Variants in CHP1 observed in about 807,000 individuals in gnomAD.
CHP1 encodes calcineurin B homologous protein 1.
In CHP1, 11 loss-of-function variants were observed where a neutral mutation model predicts 27.4. The observed-to-expected ratio is 0.40, with a 90% CI of 0.25 to 0.67. The LOEUF (loss-of-function observed/expected upper bound fraction) is 0.67. Among genes scored for constraint, CHP1 ranks in the 30% least tolerant of loss-of-function variants. The pLI is 0.38. For missense variants in CHP1, 169 were observed against 251.3 expected (o/e 0.67, Z 2.22); for synonymous variants, 89 against 87.4 (o/e 1.02, Z -0.10).
At chr15:41,277,868 G>A (rs1285786008) in intron 5 of CHP1, among the ~76,000 whole-genome samples, 1 of 151,400 alleles carries the variant, frequency 6.6e-6, no homozygotes, top group Non-Finnish European at 1.5e-5. Context: ...GAGGTGAGAG[G>A]ATCACTTGAG....
intron 3 of CHP1, among the ~76,000 whole-genome samples, chr15:41,261,119 T>C (rs1567009058): frequency 6.6e-6 from 1 of 151,350 alleles, no homozygotes; most frequent in Non-Finnish European, 1.5e-5. Context: ...TTCCTTTTCC[T>C]TTCCTTTTCC....
At position 41,257,663 on chromosome 15, in the gene CHP1, G is replaced by A. The variant is rs529849892; in HGVS notation, c.221+673G>A. ...CAACCTCTGCCTCCCGGGTTCAAGC[G>A]ATTCTCCTGCCTCAGCCTCCGAGAT... is the stretch of plus-strand genomic sequence containing the variant. On this transcript the variant is annotated intron_variant, in intron 3 of 6. Coordinates refer to ENST00000334660, the MANE Select transcript of CHP1 (RefSeq NM_007236.5). Among the ~76,000 whole-genome samples, 22 of 151,878 alleles carry A rather than the reference G, an allele frequency of 1.4e-4. No individual in the cohort carries two copies. In the South Asian group the frequency reaches 4.6e-3, roughly 32 times the overall value.
At chr15:41,268,901 C>T (rs555341380) in intron 4 of CHP1, among the ~76,000 whole-genome samples, 166 of 146,938 alleles carry the variant, frequency 1.1e-3, no homozygotes, top group Middle Eastern at 3.8e-3. Context: ...CGGAGCTTGC[C>T]GTGAGCTGAG....
chr15:41,281,458 G>GT lies in CHP1; in HGVS notation c.*2070dup, dbSNP rs1197674884. 6.6e-4 allele frequency: 101 copies of GT among 152,774 alleles called. 1 individual carries two copies. The highest frequency in any genetic ancestry group is 2.3e-3 in the African/African-American group (95 of 41,584). 9.5% of individuals were successfully genotyped at this position (152,774 alleles called of 1,614,324 possible). A position where few individuals can be genotyped will look rare whatever the true frequency, so the allele number is the denominator to read the frequency against. On this transcript the variant is annotated 3_prime_UTR_variant, in exon 7 of 7. Transcript: ENST00000334660. The stretch of plus-strand genomic sequence containing the variant: ...TATCCTAATGTATGTCTCTATGAGT[G>GT]TATTTAGCCACACATCTGCCCTTGG...
chr15:41,257,020 C>T lies in CHP1; in HGVS notation c.221+30C>T, dbSNP rs758259431. The stretch of plus-strand genomic sequence containing the variant: ...GTCAGTACAGTTGTTGGACTTCCTT[C>T]CTGAGGCTATCACAACCTAAATTAT... On this transcript the variant is annotated intron_variant, in intron 3 of 6. Transcript: ENST00000334660. 1.5e-5 allele frequency: 23 copies of T among 1,550,234 alleles called. No individual in the cohort carries two copies. The East Asian group carries it at 2.7e-4, about 18-fold the overall frequency.
Position 41,280,299 on chromosome 15 carries a change from A to C in CHP1, c.*910A>C, listed in dbSNP as rs2047538970. 1 of 152,568 alleles carries C rather than the reference A, an allele frequency of 6.6e-6. No individual in the cohort carries two copies. Among genetic ancestry groups the C allele is most frequent in the African/African-American group, 2.4e-5 (1 of 41,402 alleles). 9.5% of individuals were successfully genotyped at this position (152,568 alleles called of 1,614,324 possible). On this transcript the variant is annotated 3_prime_UTR_variant, in exon 7 of 7. Coordinates refer to ENST00000334660, the MANE Select transcript of CHP1 (RefSeq NM_007236.5). ...TGCTTAGTTTGGGGACACCGTTACCACCAGAATGGCTGCTCTGACAATATG... is the reference window on the plus strand; with the variant it reads ...TGCTTAGTTTGGGGACACCGTTACCCCCAGAATGGCTGCTCTGACAATATG...
chr15:41,268,574 G>T (rs1371228853), intron 4 of CHP1, among the ~76,000 whole-genome samples: 1 of 151,628 alleles, frequency 6.6e-6, no homozygotes, highest in African/African-American at 2.4e-5. Context: ...CCCGGGAGGC[G>T]GAGGTTACAG....
In CHP1 at chr15:41,270,726, G is replaced by C. The variant is rs141927706; in HGVS notation, c.411+108G>C. On this transcript the variant is annotated intron_variant, in intron 5 of 6. Coordinates refer to ENST00000334660, the MANE Select transcript of CHP1 (RefSeq NM_007236.5). ...AGCATTTATTTAATACCTGCTATGT[G>C]CAGAGTCCTGTCCTGGTTATAAGAC... 1.7e-3 allele frequency: 1,470 copies of C among 845,474 alleles called. 18 individuals carry two copies. In the African/African-American group the frequency reaches 0.022, roughly 13 times the overall value. The allele number at this position is 845,474 out of a possible 1,614,324, so 52.4% of individuals were successfully genotyped here.
chr15:41,262,672 T>C, intron 3 of CHP1, 84 bp from the exon 4 acceptor site: 1 of 1,549,572 alleles, frequency 6.5e-7, no homozygotes, highest in Non-Finnish European at 8.8e-7. Flanking sequence ...CTACCGTAGC[T>C]AAAGCTGTTG....
chr15:41,271,407 G>A lies in CHP1; in HGVS notation c.411+789G>A, dbSNP rs544108542. On this transcript the variant is annotated intron_variant, in intron 5 of 6. Transcript: ENST00000334660. ...CGTGCCACTGCACTCCAGCCTGAGC[G>A]ACAAGAGTGAAACTCCATCCCAAAA... Among the ~76,000 whole-genome samples, 7 of 152,126 alleles carry A rather than the reference G, an allele frequency of 4.6e-5. No homozygotes were observed. In the East Asian group the frequency reaches 1.2e-3, roughly 25 times the overall value.
In CHP1 at chr15:41,281,668, A is replaced by G. The variant is rs1245596198; in HGVS notation, c.*2279A>G. 6.6e-6 allele frequency: 1 copy of G among 152,640 alleles called. No homozygotes were observed. The highest frequency in any genetic ancestry group is 2.4e-5 in the African/African-American group (1 of 41,452). 9.5% of individuals were successfully genotyped at this position (152,640 alleles called of 1,614,324 possible). ...AAGTATCAGTCAGATTTTATGATTA[A>G]GTGATGTAATATAGGAATTATGTAA... On this transcript the variant is annotated 3_prime_UTR_variant, in exon 7 of 7. Transcript: ENST00000334660.
intron 1 of CHP1, among the ~76,000 whole-genome samples, chr15:41,238,165 G>T (rs1277134676): frequency 1.3e-5 from 2 of 148,468 alleles, no homozygotes; most frequent in African/African-American, 4.9e-5. Flanking sequence ...TTTGGCGTGT[G>T]TTTTTTTTTT....
chr15:41,260,490 G>A (rs1567008927), intron 3 of CHP1, among the ~76,000 whole-genome samples: 1 of 150,868 alleles, frequency 6.6e-6, no homozygotes, highest in East Asian at 2.0e-4. Context: ...CATCTTTGGG[G>A]TTCAAGTGAT....
At chr15:41,269,041 T>G (rs1439597683) in intron 4 of CHP1, among the ~76,000 whole-genome samples, 1 of 151,762 alleles carries the variant, frequency 6.6e-6, no homozygotes, top group Non-Finnish European at 1.5e-5. Flanking sequence ...AGACCCTAGC[T>G]CTACAAAAAT....
At chr15:41,259,615 A>T (rs1213570202) in intron 3 of CHP1, among the ~76,000 whole-genome samples, 1 of 151,604 alleles carries the variant, frequency 6.6e-6, no homozygotes, top group Non-Finnish European at 1.5e-5. Flanking sequence ...GCTAGCAATA[A>T]TCATTAATGT....
rs553713758 is a variant in CHP1 at position 41,249,830 on chromosome 15, A to ATT, written c.140+6108_140+6109dup. On this transcript the variant is annotated intron_variant, in intron 2 of 6. Coordinates refer to ENST00000334660, the MANE Select transcript of CHP1 (RefSeq NM_007236.5). Reference sequence around the variant, plus strand: ...TAGGAGAAAGATTTTCACTTCAACAATTTTTTTTTTTTTTTTTTACTTTCC... The same window carrying ATT: ...TAGGAGAAAGATTTTCACTTCAACAATTTTTTTTTTTTTTTTTTTTACTTTCC... Among the ~76,000 whole-genome samples, 673 of 140,690 alleles carry ATT rather than the reference A, an allele frequency of 4.8e-3. 9 individuals carry two copies. Among genetic ancestry groups the ATT allele is most frequent in the African/African-American group, 0.017 (648 of 38,664 alleles). 92.3% of individuals were successfully genotyped at this position (140,690 alleles called of 152,430 possible). A position where few individuals can be genotyped will look rare whatever the true frequency, so the allele number is the denominator to read the frequency against.
At chr15:41,260,447 T>G (rs1168093392) in intron 3 of CHP1, among the ~76,000 whole-genome samples, 1 of 149,650 alleles carries the variant, frequency 6.7e-6, no homozygotes, top group Admixed American at 6.8e-5. Flanking sequence ...CAGGCTGGAG[T>G]GCAGTGGTGC....
In CHP1 at chr15:41,279,444, C is replaced by T. The variant is rs1277447270; in HGVS notation, c.*55C>T. Reference sequence around the variant, plus strand: ...TATTTAAGAACTGGAACTTGAAAGTCCTCCTTCTACCAACTCCACCTCCAC... The same window carrying T: ...TATTTAAGAACTGGAACTTGAAAGTTCTCCTTCTACCAACTCCACCTCCAC... On this transcript the variant is annotated 3_prime_UTR_variant, in exon 7 of 7. Transcript: ENST00000334660. 1 of 1,441,438 alleles carries T rather than the reference C, an allele frequency of 6.9e-7. No homozygotes were observed. The highest frequency in any genetic ancestry group is 9.7e-7 in the Non-Finnish European group (1 of 1,026,890). 89.3% of individuals were successfully genotyped at this position (1,441,438 alleles called of 1,614,324 possible).
intron 1 of CHP1, among the ~76,000 whole-genome samples, chr15:41,235,112 C>T (rs751399390): frequency 5.3e-5 from 8 of 151,936 alleles, no homozygotes; most frequent in Middle Eastern, 3.2e-3. Context: ...TTTCATAAAG[C>T]TTATTTGAAA....
Sources: gnomAD v4.1 joint callset for allele counts (sites outside exome capture counted in the v4.1 genomes callset) on GRCh38, gnomAD v4.1.1 for gene constraint, MANE v1.5 for transcripts, NCBI Gene and HGNC (gene_info 2026-07-23, HGNC 2026-07-21) for gene names.